MAML3: variants seen among roughly 807,000 people sequenced by gnomAD.
The protein encoded by MAML3 is mastermind like transcriptional coactivator 3.
In MAML3, 27 loss-of-function variants were observed where a neutral mutation model predicts 101.9. The ratio of observed to expected loss-of-function variants is 0.27; its 90% CI spans 0.20 to 0.37. MAML3 has a LOEUF of 0.37. MAML3 is among the 10% of genes least tolerant of loss of function. The pLI, the probability that MAML3 is intolerant of heterozygous loss-of-function variation, is 1.00. For missense variants in MAML3, 1,316 were observed against 1,444.9 expected (o/e 0.91, Z 1.45); for synonymous variants, 501 against 555.9 (o/e 0.90, Z 1.39).
intron 2 of MAML3, among the ~76,000 whole-genome samples, chr4:139,766,473 C>T (rs1430543910): frequency 6.6e-6 from 1 of 152,094 alleles, no homozygotes; most frequent in Non-Finnish European, 1.5e-5. Context: ...TGCCCAGTCA[C>T]GAGTGATTTT....
chr4:139,928,252 A>C (rs1578601525), intron 1 of MAML3, among the ~76,000 whole-genome samples: 1 of 152,324 alleles, frequency 6.6e-6, no homozygotes, highest in East Asian at 1.9e-4. Flanking sequence ...AATAAGCTCT[A>C]AACTCATTCA....
intron 2 of MAML3, 194 bp from the exon 3 acceptor site, chr4:139,730,861 A>C: frequency 1.7e-6 from 1 of 602,510 alleles, no homozygotes; most frequent in African/African-American, 1.9e-5. Context: ...GAGAGAGGCC[A>C]CAAGGGACAG....
intron 1 of MAML3, among the ~76,000 whole-genome samples, chr4:139,982,184 T>C (rs1017946887): frequency 1.3e-5 from 2 of 152,256 alleles, no homozygotes; most frequent in Non-Finnish European, 2.9e-5. Context: ...TATACCAGTA[T>C]AGATTCATGG....
chr4:139,893,624 G>A (rs112728263), intron 1 of MAML3, among the ~76,000 whole-genome samples: 1 of 152,162 alleles, frequency 6.6e-6, no homozygotes, highest in Non-Finnish European at 1.5e-5. Context: ...GCAGGAGGCA[G>A]CCCCATTGAC....
chr4:140,069,039 G>A (rs908633959), intron 1 of MAML3, among the ~76,000 whole-genome samples: 1 of 152,068 alleles, frequency 6.6e-6, no homozygotes, highest in Non-Finnish European at 1.5e-5. Flanking sequence ...AGGTGAAAAA[G>A]AACAATGGAA....
At chr4:140,099,730 A>C (rs1728224556) in intron 1 of MAML3, among the ~76,000 whole-genome samples, 1 of 152,216 alleles carries the variant, frequency 6.6e-6, no homozygotes, top group Admixed American at 6.5e-5. Flanking sequence ...TTTGGCAATC[A>C]GAAAGTTATT....
intron 1 of MAML3, among the ~76,000 whole-genome samples, chr4:140,118,057 C>T (rs1728544266): frequency 6.6e-6 from 1 of 152,018 alleles, no homozygotes; most frequent in Non-Finnish European, 1.5e-5. Context: ...AATCATGACA[C>T]CCACAGCCGG....
At chr4:139,967,962 C>CA (rs200126630) in intron 1 of MAML3, among the ~76,000 whole-genome samples, 2,497 of 102,800 alleles carry the variant, frequency 0.024, 67 homozygotes, top group African/African-American at 0.075. Context: ...GACCCTGTCT[C>CA]AAAAAAAAAA....
intron 1 of MAML3, among the ~76,000 whole-genome samples, chr4:139,987,347 A>G (rs536898102): frequency 1.3e-5 from 2 of 152,350 alleles, no homozygotes; most frequent in East Asian, 3.9e-4. Flanking sequence ...GCAGAAAAAC[A>G]GATGTCGATT....
At chr4:139,838,368 T>G in intron 2 of MAML3, among the ~76,000 whole-genome samples, 1 of 152,216 alleles carries the variant, frequency 6.6e-6, no homozygotes, top group East Asian at 1.9e-4. Flanking sequence ...ATCTTACAGA[T>G]GATTCCCTAC....
chr4:139,879,029 A>G (rs795978), intron 2 of MAML3, among the ~76,000 whole-genome samples: 147,363 of 152,270 alleles, frequency 0.97, 71,350 homozygotes, highest in East Asian at 1. Flanking sequence ...GACTGGGGAG[A>G]AGGGACCACT....
intron 1 of MAML3, among the ~76,000 whole-genome samples, chr4:139,978,911 CACTTTCAAAGAGCTCTATGACT>C (rs34926654): frequency 0.57 from 84,501 of 149,552 alleles, 25,121 homozygotes; most frequent in East Asian, 0.9. Context: ...ATCCTCCTTT[CACTTTCAAAGAGCTCTATGACT>C]ACTTTCAAAG....
At chr4:140,008,385 A>G (rs1056723768) in intron 1 of MAML3, among the ~76,000 whole-genome samples, 37 of 152,284 alleles carry the variant, frequency 2.4e-4, no homozygotes, top group African/African-American at 8.7e-4. Flanking sequence ...GTGTTTTTGC[A>G]TGGTGTTTAC....
At chr4:139,908,491 T>C (rs1732859191) in intron 1 of MAML3, among the ~76,000 whole-genome samples, 1 of 152,216 alleles carries the variant, frequency 6.6e-6, no homozygotes, top group African/African-American at 2.4e-5. Flanking sequence ...CTACTTAATA[T>C]AGAAATGAGT....
rs1022456659 is a variant in MAML3 at position 140,026,223 on chromosome 4, C to G, written c.468+126637G>C. Among the ~76,000 whole-genome samples the G allele has an allele frequency of 3.3e-5, 5 of 152,122 alleles. No homozygotes were observed. The South Asian group carries it at 1.0e-3, about 32-fold the overall frequency. On this transcript the variant is annotated intron_variant, in intron 1 of 4. Transcript: ENST00000509479. ...GTGTGTGTGTGTCTGTGTGCATATA[C>G]ACATATATACATCTTTAAATTTTTA...
At chr4:139,789,071 T>C (rs1358737460) in intron 2 of MAML3, among the ~76,000 whole-genome samples, 1 of 152,240 alleles carries the variant, frequency 6.6e-6, no homozygotes, top group African/African-American at 2.4e-5. Context: ...CTTTTAATGC[T>C]AGAGTAGCCT....
At chr4:140,135,957 GTA>G (rs992485200) in intron 1 of MAML3, among the ~76,000 whole-genome samples, 2 of 152,134 alleles carry the variant, frequency 1.3e-5, no homozygotes, top group Admixed American at 1.3e-4. Flanking sequence ...ATAACAAAGA[GTA>G]ATGAGCACCA....
chr4:139,994,579 G>A (rs1259736644), intron 1 of MAML3, among the ~76,000 whole-genome samples: 1 of 152,148 alleles, frequency 6.6e-6, no homozygotes, highest in Non-Finnish European at 1.5e-5. Flanking sequence ...AGGATCACTT[G>A]AGCTCAGGAG....
chr4:139,995,855 T>C (rs13143388), intron 1 of MAML3, among the ~76,000 whole-genome samples: 39,625 of 151,768 alleles, frequency 0.26, 6,542 homozygotes, highest in Non-Finnish European at 0.37. Flanking sequence ...TTTGCTTTTT[T>C]CTAGTTGCAT....
Sources: gnomAD v4.1 joint callset for allele counts (sites outside exome capture counted in the v4.1 genomes callset) on GRCh38, gnomAD v4.1.1 for gene constraint, MANE v1.5 for transcripts, NCBI Gene and HGNC (gene_info 2026-07-23, HGNC 2026-07-21) for gene names.